The following ARHGAP6 variants were observed in gnomAD, a reference collection of about 807,000 sequenced individuals.
ARHGAP6 encodes rho GTPase-activating protein 6.
Under a neutral mutation model 55.7 loss-of-function variants are expected in ARHGAP6, and 16 were observed. The ratio of observed to expected loss-of-function variants is 0.29; its 90% CI spans 0.19 to 0.44. The LOEUF (loss-of-function observed/expected upper bound fraction) is 0.44. ARHGAP6 is among the 20% of genes least tolerant of loss of function. The pLI, the probability that ARHGAP6 is intolerant of heterozygous loss-of-function variation, is 1.00. For synonymous variants in ARHGAP6, 382 were observed against 360.9 expected, an observed-to-expected ratio of 1.06 and a Z score of -0.66; for missense variants, 698 against 808.9, an observed-to-expected ratio of 0.86 and a Z score of 1.66.
chrX:11,153,795 A>G (rs1411597971), intron 10 of ARHGAP6, among the ~76,000 whole-genome samples: 1 of 110,627 alleles, frequency 9.0e-6, no homozygotes, highest in African/African-American at 3.3e-5. Flanking sequence ...CAGAGCTCCT[A>G]TGGGCTCATT....
chrX:11,663,768 A>AAC (rs199780362), intron 1 of ARHGAP6, among the ~76,000 whole-genome samples: 13 of 111,325 alleles, frequency 1.2e-4, no homozygotes, highest in Non-Finnish European at 1.9e-4. Context: ...CTGCCACCCA[A>AAC]ACACACACAC....
At chrX:11,201,450 C>G (rs953375153) in intron 2 of ARHGAP6, among the ~76,000 whole-genome samples, 1 of 112,005 alleles carries the variant, frequency 8.9e-6, no homozygotes, top group African/African-American at 3.2e-5. Flanking sequence ...GAGATTAGGA[C>G]AGAGTAAGTA....
intron 1 of ARHGAP6, among the ~76,000 whole-genome samples, chrX:11,618,808 A>G (rs1401389269): frequency 8.9e-6 from 1 of 112,521 alleles, no homozygotes; most frequent in Non-Finnish European, 1.9e-5. Context: ...CAACAATTAC[A>G]TATATCAAGG....
At chrX:11,658,484 T>G (rs2052662440) in intron 1 of ARHGAP6, among the ~76,000 whole-genome samples, 2 of 110,919 alleles carry the variant, frequency 1.8e-5, no homozygotes, top group Non-Finnish European at 3.8e-5. Flanking sequence ...TTTGAAGCTG[T>G]CTTATTCTAA....
intron 1 of ARHGAP6, among the ~76,000 whole-genome samples, chrX:11,300,434 A>G (rs935201154): frequency 1.8e-5 from 2 of 111,925 alleles, no homozygotes; most frequent in African/African-American, 6.5e-5. Flanking sequence ...GTCCTCATGG[A>G]CACCTAATAT....
chrX:11,474,252 G>A (rs1438665740), intron 1 of ARHGAP6, among the ~76,000 whole-genome samples: 4 of 111,978 alleles, frequency 3.6e-5, no homozygotes, highest in Non-Finnish European at 7.5e-5. Flanking sequence ...ATTCCAGGGA[G>A]TACACAACAG....
intron 1 of ARHGAP6, among the ~76,000 whole-genome samples, chrX:11,310,909 GT>G (rs1347987250): frequency 8.9e-6 from 1 of 111,992 alleles, no homozygotes; most frequent in Non-Finnish European, 1.9e-5. Flanking sequence ...ATCTGTGAGA[GT>G]TTTTTTGGAA....
At chrX:11,344,130 G>T (rs1366986897) in intron 1 of ARHGAP6, among the ~76,000 whole-genome samples, 6 of 111,521 alleles carry the variant, frequency 5.4e-5, no homozygotes, top group Non-Finnish European at 1.1e-4. Flanking sequence ...GCTTAAATCA[G>T]GGTTACTCAA....
At chrX:11,284,506 G>T (rs997283832) in intron 1 of ARHGAP6, among the ~76,000 whole-genome samples, 1 of 112,106 alleles carries the variant, frequency 8.9e-6, no homozygotes, top group African/African-American at 3.2e-5. Flanking sequence ...TGTGAAAAAG[G>T]CACCACATAG....
chrX:11,461,661 C>A (rs1482928290), intron 1 of ARHGAP6, among the ~76,000 whole-genome samples: 1 of 112,262 alleles, frequency 8.9e-6, no homozygotes, highest in East Asian at 2.8e-4. Flanking sequence ...ACCATCACAA[C>A]GAAGCTTTGG....
chrX:11,490,955 G>C (rs1415161117), intron 1 of ARHGAP6, among the ~76,000 whole-genome samples: 1 of 112,251 alleles, frequency 8.9e-6, no homozygotes, highest in African/African-American at 3.2e-5. Flanking sequence ...AATGCCAAAT[G>C]TGAATGGTGA....
At chrX:11,264,025 T>C (rs2047593535) in intron 1 of ARHGAP6, among the ~76,000 whole-genome samples, 1 of 111,074 alleles carries the variant, frequency 9.0e-6, no homozygotes, top group African/African-American at 3.3e-5. Context: ...CAGAGTTGAG[T>C]TGTTGCAACA....
At chrX:11,144,399 T>A in intron 10 of ARHGAP6, 151 bp from the exon 11 acceptor site, 1 of 776,786 alleles carries the variant, frequency 1.3e-6, no homozygotes, top group Non-Finnish European at 1.9e-6. Flanking sequence ...CCAAGACATG[T>A]ACATCCATGA....
intron 1 of ARHGAP6, among the ~76,000 whole-genome samples, chrX:11,567,124 G>C (rs2051450862): frequency 1.8e-5 from 2 of 111,617 alleles, no homozygotes; most frequent in Admixed American, 1.9e-4. Flanking sequence ...TCATGAACAA[G>C]CCTTTGTGAA....
Position 11,341,588 on chromosome X carries a change from C to T in ARHGAP6, c.589-86881G>A, listed in dbSNP as rs1403750617. On this transcript the variant is annotated intron_variant, in intron 1 of 12. Coordinates refer to ENST00000337414, the MANE Select transcript of ARHGAP6 (RefSeq NM_013427.3). ...CATAATAGTGCCTCCCACATGTACG[C>T]CCACGCCTGACCTCTGCTTTGTGCA... Among the ~76,000 whole-genome samples the T allele has an allele frequency of 3.6e-5, 4 of 111,862 alleles. No homozygotes were observed. The East Asian group carries it at 1.1e-3, about 31-fold the overall frequency.
At chrX:11,228,424 C>CT (rs11432882) in intron 2 of ARHGAP6, among the ~76,000 whole-genome samples, 28,537 of 110,926 alleles carry the variant, frequency 0.26, 3,066 homozygotes, top group African/African-American at 0.41. Context: ...AAGCTGTTTC[C>CT]TTTGACATCT....
intron 1 of ARHGAP6, among the ~76,000 whole-genome samples, chrX:11,390,257 G>A (rs751251651): frequency 8.1e-5 from 9 of 111,309 alleles, no homozygotes; most frequent in African/African-American, 2.9e-4. Context: ...TATTATTTCT[G>A]AGGGCTCTGT....
chrX:11,306,590 T>G (rs935856091), intron 1 of ARHGAP6, among the ~76,000 whole-genome samples: 2 of 112,709 alleles, frequency 1.8e-5, no homozygotes, highest in African/African-American at 6.5e-5. Flanking sequence ...AAATGAGGGT[T>G]TGAACTTTAA....
At chrX:11,529,746 T>C (rs2051028675) in intron 1 of ARHGAP6, among the ~76,000 whole-genome samples, 1 of 111,973 alleles carries the variant, frequency 8.9e-6, no homozygotes, top group Non-Finnish European at 1.9e-5. Context: ...AAGTAATATA[T>C]GCAGTATGAA....
Sources: allele counts gnomAD v4.1 joint callset (sites outside exome capture counted in the v4.1 genomes callset), GRCh38; gene constraint gnomAD v4.1.1; transcripts MANE v1.5; gene names NCBI Gene and HGNC (gene_info 2026-07-23, HGNC 2026-07-21).